Variants in PTPN14 observed in about 807,000 individuals in gnomAD.
The protein encoded by PTPN14 is protein tyrosine phosphatase non-receptor type 14.
Under a neutral mutation model 126.8 loss-of-function variants are expected in PTPN14, and 53 were observed. The ratio of observed to expected loss-of-function variants is 0.42; its 90% CI spans 0.34 to 0.53. PTPN14 has a LOEUF of 0.53. Ranked by LOEUF, PTPN14 falls within the 20% of genes least tolerant of loss-of-function variation. The probability of loss-of-function intolerance (pLI) is 0.08; values close to 1 mark genes in which losing one functional copy is unlikely to be tolerated. For synonymous variants in PTPN14, 630 were observed against 599.3 expected, an observed-to-expected ratio of 1.05 and a Z score of -0.75; for missense variants, 1,257 against 1,552.9, an observed-to-expected ratio of 0.81 and a Z score of 3.20.
intron 1 of PTPN14, chr1:214,532,211 G>C: frequency 2.7e-6 from 1 of 376,000 alleles, no homozygotes; most frequent in Non-Finnish European, 5.1e-6. Context: ...TTCACCACTT[G>C]CTCCAACTTC....
At chr1:214,429,097 C>T (rs533510197) in intron 3 of PTPN14, among the ~76,000 whole-genome samples, 19 of 152,164 alleles carry the variant, frequency 1.2e-4, no homozygotes, top group African/African-American at 4.3e-4. Flanking sequence ...CATGTTAGCC[C>T]GTTCCGTATA....
chr1:214,384,690 A>C lies in PTPN14; in HGVS notation c.1165T>G (p.Cys389Gly). ...LNGTVTNGSVCSVHSVNSLNC... is the reference protein window; with the variant it reads ...LNGTVTNGSVGSVHSVNSLNC... The stretch of plus-strand genomic sequence containing the variant: ...AGGGAGTTGACGCTGTGAACGCTAC[A>C]CACGCTGCCATTGGTGACAGTGCCA... Residue 389 changes from cysteine to glycine, a missense_variant, in exon 13 of 19, where the codon TGT (cysteine) becomes GGT (glycine). Coordinates refer to ENST00000366956, the MANE Select transcript of PTPN14 (RefSeq NM_005401.5). The surrounding 1 kb of genome is among the most constrained non-coding windows in gnomAD (Gnocchi z 5.3). 1 of 1,614,154 alleles carries C rather than the reference A, an allele frequency of 6.2e-7. No individual in the cohort carries two copies. The highest frequency in any genetic ancestry group is 1.7e-5 in the Admixed American group (1 of 60,016).
At chr1:214,422,762 CAAG>C (rs1482989272) in intron 3 of PTPN14, among the ~76,000 whole-genome samples, 1 of 152,120 alleles carries the variant, frequency 6.6e-6, no homozygotes, top group African/African-American at 2.4e-5. Context: ...AAATGAAAGG[CAAG>C]AAGATCATCT....
chr1:214,426,868 C>T (rs912676515), intron 3 of PTPN14, among the ~76,000 whole-genome samples: 1 of 152,142 alleles, frequency 6.6e-6, no homozygotes, highest in Non-Finnish European at 1.5e-5. Flanking sequence ...ACCCTGCGGG[C>T]ATCAGGCCAT....
At chr1:214,460,126 T>C (rs1263849253) in intron 2 of PTPN14, among the ~76,000 whole-genome samples, 1 of 151,994 alleles carries the variant, frequency 6.6e-6, no homozygotes, top group East Asian at 1.9e-4. Flanking sequence ...GGTCACCCTA[T>C]GCTGCAGCCT....
chr1:214,530,792 A>G (rs1373739261), intron 1 of PTPN14: 1 of 152,218 alleles, frequency 6.6e-6, no homozygotes, highest in Non-Finnish European at 1.5e-5. Flanking sequence ...ACCTTTTAAG[A>G]GTTCAGTAGT....
intron 3 of PTPN14, among the ~76,000 whole-genome samples, chr1:214,432,972 C>T (rs182571010): frequency 1.3e-5 from 2 of 152,228 alleles, no homozygotes; most frequent in East Asian, 3.9e-4. Context: ...GGCACGATCT[C>T]GGTTCACTGC....
intron 1 of PTPN14, among the ~76,000 whole-genome samples, chr1:214,523,456 C>A (rs1384405778): frequency 2.0e-5 from 3 of 152,148 alleles, no homozygotes; most frequent in Non-Finnish European, 4.4e-5. Flanking sequence ...CTACAGTATT[C>A]AGTACAGTAA....
chr1:214,513,221 C>A (rs146958226), intron 1 of PTPN14, among the ~76,000 whole-genome samples: 309 of 152,268 alleles, frequency 2.0e-3, no homozygotes, highest in Non-Finnish European at 3.6e-3. Context: ...ATGCAGTCCA[C>A]AAATATTCAT....
intron 8 of PTPN14, among the ~76,000 whole-genome samples, chr1:214,396,104 A>G (rs1571972428): frequency 6.6e-6 from 1 of 152,188 alleles, no homozygotes; most frequent in African/African-American, 2.4e-5. Flanking sequence ...CCTGGCCCAG[A>G]GCACTCAATA....
chr1:214,541,518 T>C (rs1655835903), intron 1 of PTPN14, among the ~76,000 whole-genome samples: 1 of 152,090 alleles, frequency 6.6e-6, no homozygotes, highest in Admixed American at 6.5e-5. Flanking sequence ...TGTCCAAATT[T>C]AGTGAAATGT....
intron 1 of PTPN14, among the ~76,000 whole-genome samples, chr1:214,489,076 C>T (rs1384955401): frequency 1.3e-5 from 2 of 152,090 alleles, no homozygotes; most frequent in Non-Finnish European, 2.9e-5. Context: ...CCTTGACTAC[C>T]TAAATAATGA....
At chr1:214,518,622 G>C (rs1288642159) in intron 1 of PTPN14, among the ~76,000 whole-genome samples, 1 of 152,168 alleles carries the variant, frequency 6.6e-6, no homozygotes, top group Non-Finnish European at 1.5e-5. Context: ...TTGAGCCCAA[G>C]GACTGAAACC....
intron 3 of PTPN14, among the ~76,000 whole-genome samples, chr1:214,433,672 C>T (rs543152762): frequency 3.3e-5 from 5 of 152,044 alleles, no homozygotes; most frequent in Non-Finnish European, 5.9e-5. Flanking sequence ...TCTGCTTATA[C>T]GTCCAGTTCC....
rs766879771 is a variant in PTPN14, at chr1:214,351,012, A to C, written c.*6910T>G. ...CTGGGTTGCACTCATAGGGTAGGTAAAGAAAAGAAAAAGTGTACTGTTGAG... is the reference window on the plus strand; with the variant it reads ...CTGGGTTGCACTCATAGGGTAGGTACAGAAAAGAAAAAGTGTACTGTTGAG... On this transcript the variant is annotated 3_prime_UTR_variant, in exon 19 of 19. Transcript: ENST00000366956. The C allele has an allele frequency of 6.6e-6, 1 of 152,078 alleles. No individual in the cohort carries two copies. The highest frequency in any genetic ancestry group is 1.5e-5 in the Non-Finnish European group (1 of 68,018). 9.4% of individuals were successfully genotyped at this position (152,078 alleles called of 1,614,324 possible).
At chr1:214,365,644 C>G (rs1321800238) in intron 17 of PTPN14, among the ~76,000 whole-genome samples, 1 of 152,082 alleles carries the variant, frequency 6.6e-6, no homozygotes, top group Non-Finnish European at 1.5e-5. Context: ...AGGTTTGAAC[C>G]ATTCAAATAA....
At chr1:214,377,609 T>C (rs1658372751) in intron 14 of PTPN14, among the ~76,000 whole-genome samples, 2 of 152,148 alleles carry the variant, frequency 1.3e-5, no homozygotes. Context: ...CTCACAAAAA[T>C]CACAGAAATT....
At chr1:214,375,564 T>C (rs192423776) in intron 15 of PTPN14, among the ~76,000 whole-genome samples, 1 of 152,356 alleles carries the variant, frequency 6.6e-6, no homozygotes, top group East Asian at 1.9e-4. Context: ...CATGTATCCA[T>C]AAGTCAAAGT....
At chr1:214,366,871 T>C (rs1658094059) in intron 17 of PTPN14, among the ~76,000 whole-genome samples, 1 of 151,504 alleles carries the variant, frequency 6.6e-6, no homozygotes, top group South Asian at 2.1e-4. Flanking sequence ...TAGTCCCAGC[T>C]ACTCGGAGAG....
Sources: gnomAD v4.1 joint callset for allele counts (sites outside exome capture counted in the v4.1 genomes callset) on GRCh38, gnomAD v4.1.1 for gene constraint, Gnocchi (gnomAD v3.1) non-coding constraint, MANE v1.5 for transcripts, NCBI Gene and HGNC (gene_info 2026-07-23, HGNC 2026-07-21) for gene names.